Variants in CSMD1 observed in about 807,000 individuals in gnomAD.
CSMD1 encodes CUB and Sushi multiple domains 1.
CSMD1 carries 213 observed loss-of-function variants against 417.5 expected under a neutral mutation model. The ratio of observed to expected loss-of-function variants is 0.51; its 90% CI spans 0.46 to 0.57. The LOEUF (loss-of-function observed/expected upper bound fraction) is 0.57. Among genes scored for constraint, CSMD1 ranks in the 20% least tolerant of loss-of-function variants. CSMD1 has a pLI of 0.00. For missense variants in CSMD1, 6,923 were observed against 4,529.7 expected (o/e 1.53, Z -15.17); for synonymous variants, 2,862 against 1,736.8 (o/e 1.65, Z -16.11).
At chr8:3,677,193 A>G (rs887541834) in intron 7 of CSMD1, among the ~76,000 whole-genome samples, 1 of 152,156 alleles carries the variant, frequency 6.6e-6, no homozygotes, top group Non-Finnish European at 1.5e-5. Context: ...ACACGTATAT[A>G]AGACTTATAG....
At chr8:4,618,783 A>G (rs1474689601) in intron 2 of CSMD1, among the ~76,000 whole-genome samples, 1 of 152,150 alleles carries the variant, frequency 6.6e-6, no homozygotes, top group Admixed American at 6.6e-5. Context: ...GGAAGCCCCA[A>G]AACATTTCTG....
At chr8:3,407,659 AAG>A (rs1812439542) in intron 14 of CSMD1, among the ~76,000 whole-genome samples, 1 of 152,252 alleles carries the variant, frequency 6.6e-6, no homozygotes, top group Middle Eastern at 3.4e-3. Context: ...AAGGAGATGA[AAG>A]AGAGAGGAGA....
intron 3 of CSMD1, among the ~76,000 whole-genome samples, chr8:4,184,228 G>A (rs867381116): frequency 1.3e-5 from 2 of 152,244 alleles, no homozygotes; most frequent in African/African-American, 4.8e-5. Flanking sequence ...TGTAAGCAGA[G>A]ACAATATATT....
At chr8:4,367,484 G>T (rs62479508) in intron 3 of CSMD1, among the ~76,000 whole-genome samples, 4 of 151,970 alleles carry the variant, frequency 2.6e-5, no homozygotes, top group Non-Finnish European at 5.9e-5. Flanking sequence ...GTTTGAAATC[G>T]GGTAGTGTGA....
chr8:3,715,840 G>T (rs911454472), intron 6 of CSMD1, among the ~76,000 whole-genome samples: 2 of 152,140 alleles, frequency 1.3e-5, no homozygotes, highest in Admixed American at 1.3e-4. Flanking sequence ...ACAGCGCCCG[G>T]CCTGCAAACA....
At chr8:4,843,131 A>T (rs1800935394) in intron 1 of CSMD1, among the ~76,000 whole-genome samples, 1 of 152,186 alleles carries the variant, frequency 6.6e-6, no homozygotes, top group Non-Finnish European at 1.5e-5. Flanking sequence ...GGAAATGAAC[A>T]AACATGCCCA....
chr8:3,554,691 A>C (rs776471007), intron 10 of CSMD1, among the ~76,000 whole-genome samples: 4 of 152,164 alleles, frequency 2.6e-5, no homozygotes, highest in Admixed American at 6.6e-5. Context: ...TTTTTTTCTC[A>C]GCCTGGCTTT....
At chr8:3,801,678 T>C (rs1435614887) in intron 5 of CSMD1, among the ~76,000 whole-genome samples, 2 of 152,212 alleles carry the variant, frequency 1.3e-5, no homozygotes, top group Non-Finnish European at 2.9e-5. Flanking sequence ...GGGCAAATAT[T>C]CATGGCAGCA....
At chr8:3,490,104 G>C (rs1193307844) in intron 11 of CSMD1, among the ~76,000 whole-genome samples, 1 of 152,182 alleles carries the variant, frequency 6.6e-6, no homozygotes, top group Admixed American at 6.5e-5. Flanking sequence ...GAGACTAGCT[G>C]TGATTCTCTG....
chr8:4,587,227 C>T (rs866243010), intron 2 of CSMD1, among the ~76,000 whole-genome samples: 3 of 152,086 alleles, frequency 2.0e-5, no homozygotes, highest in African/African-American at 7.2e-5. Flanking sequence ...GAGTTTTCTC[C>T]ACTTGTCTGT....
intron 42 of CSMD1, 23 bp from the exon 43 acceptor site, chr8:3,110,358 A>T: frequency 6.3e-7 from 1 of 1,578,506 alleles, no homozygotes; most frequent in South Asian, 1.2e-5. Flanking sequence ...CCAAGAAAAA[A>T]CAAGCGCCAT....
At chr8:3,499,964 A>G (rs896084847) in intron 10 of CSMD1, among the ~76,000 whole-genome samples, 3 of 152,078 alleles carry the variant, frequency 2.0e-5, no homozygotes, top group African/African-American at 7.2e-5. Flanking sequence ...GGCTGCAGGT[A>G]GCTCCCTACC....
intron 1 of CSMD1, among the ~76,000 whole-genome samples, chr8:4,768,679 T>G (rs945844383): frequency 6.6e-6 from 1 of 152,140 alleles, no homozygotes; most frequent in Non-Finnish European, 1.5e-5. Context: ...GGGAAAGGTG[T>G]TGGCGTTCCC....
At chr8:4,034,962 C>G (rs1007077165) in intron 3 of CSMD1, among the ~76,000 whole-genome samples, 1 of 152,154 alleles carries the variant, frequency 6.6e-6, no homozygotes, top group Non-Finnish European at 1.5e-5. Context: ...GGAAATGGAA[C>G]TTAGTCTGCG....
intron 7 of CSMD1, among the ~76,000 whole-genome samples, chr8:3,627,524 T>C (rs535283827): frequency 6.6e-6 from 1 of 152,198 alleles, no homozygotes; most frequent in Non-Finnish European, 1.5e-5. Context: ...GAGACTACTT[T>C]TAGTATGTTC....
intron 1 of CSMD1, among the ~76,000 whole-genome samples, chr8:4,835,991 C>G (rs1160787654): frequency 6.6e-6 from 1 of 151,896 alleles, no homozygotes; most frequent in Non-Finnish European, 1.5e-5. Context: ...TGTAAAATAT[C>G]CTACCAGATT....
At chr8:4,030,457 C>A (rs1400081320) in intron 4 of CSMD1, among the ~76,000 whole-genome samples, 2 of 152,246 alleles carry the variant, frequency 1.3e-5, no homozygotes, top group Non-Finnish European at 2.9e-5. Flanking sequence ...GATGACACAG[C>A]CTGAGCTTTA....
intron 23 of CSMD1, among the ~76,000 whole-genome samples, chr8:3,336,956 G>C (rs1192683838): frequency 6.6e-6 from 1 of 152,128 alleles, no homozygotes; most frequent in African/African-American, 2.4e-5. Flanking sequence ...GTTAGTTCTA[G>C]GAGACTGACC....
At chr8:3,926,720 T>G (rs985735323) in intron 5 of CSMD1, among the ~76,000 whole-genome samples, 1 of 143,410 alleles carries the variant, frequency 7.0e-6, no homozygotes, top group Non-Finnish European at 1.5e-5. Flanking sequence ...ACACCTTTTT[T>G]TTTTTTTTTT....
Sources: gnomAD v4.1 joint callset for allele counts (sites outside exome capture counted in the v4.1 genomes callset) on GRCh38, gnomAD v4.1.1 for gene constraint, MANE v1.5 for transcripts, NCBI Gene and HGNC (gene_info 2026-07-23, HGNC 2026-07-21) for gene names.